Variants in RANBP2 observed in about 807,000 individuals in gnomAD.
RANBP2 encodes the protein RAN binding protein 2, also known as E3 SUMO-protein ligase RanBP2.
A neutral mutation model predicts 303.6 loss-of-function variants in RANBP2; 57 were observed. The observed-to-expected ratio is 0.19, with a 90% CI of 0.15 to 0.23. RANBP2 has a LOEUF of 0.23. RANBP2 is among the 10% of genes least tolerant of loss of function. The pLI, the probability that RANBP2 is intolerant of heterozygous loss-of-function variation, is 1.00. For missense variants in RANBP2, 3,138 were observed against 3,780.8 expected (o/e 0.83, Z 4.46); for synonymous variants, 1,167 against 1,301.5 (o/e 0.90, Z 2.23).
At chr2:109,657,986 C>T in the RANBP2 span, among the ~76,000 whole-genome samples, 1 of 151,788 alleles carries the variant, frequency 6.6e-6, no homozygotes, top group African/African-American at 2.4e-5. Context: ...TCCCAAAGTG[C>T]TGGGATTACA....
the RANBP2 span, among the ~76,000 whole-genome samples, chr2:109,384,643 C>T: frequency 8.5e-5 from 13 of 152,320 alleles, no homozygotes; most frequent in East Asian, 2.5e-3. Flanking sequence ...GACCTTGTGC[C>T]TGTGTCCATA....
chr2:108,981,004 T>C, the RANBP2 span, among the ~76,000 whole-genome samples: 6 of 152,168 alleles, frequency 3.9e-5, no homozygotes, highest in African/African-American at 1.4e-4. Context: ...CAGGCAGAGG[T>C]TGAGCTGACC....
chr2:109,363,995 G>C, the RANBP2 span, among the ~76,000 whole-genome samples: 1 of 152,132 alleles, frequency 6.6e-6, no homozygotes, highest in East Asian at 1.9e-4. Flanking sequence ...CTGTGGTTTG[G>C]TGTCTGACAA....
At chr2:109,631,660 G>A in the RANBP2 span, among the ~76,000 whole-genome samples, 2 of 152,072 alleles carry the variant, frequency 1.3e-5, no homozygotes, top group African/African-American at 2.4e-5. Flanking sequence ...GGAGGCTGAG[G>A]CAGGAGAATC....
intron 17 of RANBP2, among the ~76,000 whole-genome samples, chr2:108,757,611 A>C (rs1406633301): frequency 2.4e-4 from 37 of 152,152 alleles, no homozygotes; most frequent in Admixed American, 1.3e-4. Flanking sequence ...TTGTTTCAGC[A>C]TGGGGTTAAG....
the RANBP2 span, among the ~76,000 whole-genome samples, chr2:109,219,742 A>G: frequency 6.6e-6 from 1 of 152,256 alleles, no homozygotes; most frequent in Admixed American, 6.5e-5. Context: ...CAAAGAGGTG[A>G]AAGATTGGCA....
chr2:109,388,540 G>A, the RANBP2 span, among the ~76,000 whole-genome samples: 20 of 152,324 alleles, frequency 1.3e-4, no homozygotes, highest in Admixed American at 9.1e-4. Context: ...TTACAGCTCT[G>A]TAGAGGGGTG....
the RANBP2 span, among the ~76,000 whole-genome samples, chr2:109,316,065 G>C: frequency 6.6e-6 from 1 of 152,178 alleles, no homozygotes; most frequent in Non-Finnish European, 1.5e-5. Context: ...ATTAGATGTG[G>C]TTAGAAAAGT....
At chr2:109,553,544 C>CA in the RANBP2 span, among the ~76,000 whole-genome samples, 1,212 of 95,410 alleles carry the variant, frequency 0.013, 11 homozygotes, top group South Asian at 0.027. Flanking sequence ...ACTCTGTCTC[C>CA]AAAAAAAAAA....
the RANBP2 span, among the ~76,000 whole-genome samples, chr2:109,187,142 C>G: frequency 2.0e-5 from 3 of 149,830 alleles, no homozygotes; most frequent in Non-Finnish European, 4.5e-5. Flanking sequence ...ACACAGGACT[C>G]TGTCCCCACG....
intron 4 of RANBP2, among the ~76,000 whole-genome samples, chr2:108,732,401 T>C (rs1441435862): frequency 1.3e-5 from 2 of 152,184 alleles, no homozygotes; most frequent in Non-Finnish European, 2.9e-5. Flanking sequence ...TGGAGAATTT[T>C]GGATTTCAGA....
At chr2:109,714,560 A>G in the RANBP2 span, among the ~76,000 whole-genome samples, 3 of 152,044 alleles carry the variant, frequency 2.0e-5, no homozygotes, top group Admixed American at 6.6e-5. Flanking sequence ...TTGGCCGCCT[A>G]AAGTGCTGGA....
At chr2:108,762,562 A>C (rs1275637370) in intron 19 of RANBP2, among the ~76,000 whole-genome samples, 1 of 106,340 alleles carries the variant, frequency 9.4e-6, no homozygotes, top group Non-Finnish European at 1.9e-5. Context: ...TGGTAGTTGA[A>C]TGTGACAGCT....
At chr2:109,259,507 AAGTC>A in the RANBP2 span, among the ~76,000 whole-genome samples, 2 of 152,172 alleles carry the variant, frequency 1.3e-5, no homozygotes, top group South Asian at 4.1e-4. Context: ...CTTCTGTGCA[AAGTC>A]AGGACTCTCC....
At chr2:109,181,981 C>T in the RANBP2 span, among the ~76,000 whole-genome samples, 1 of 152,106 alleles carries the variant, frequency 6.6e-6, no homozygotes, top group Non-Finnish European at 1.5e-5. Context: ...GTGATGTTTG[C>T]TCATTGCTCA....
At chr2:109,554,058 G>C in the RANBP2 span, among the ~76,000 whole-genome samples, 2 of 151,998 alleles carry the variant, frequency 1.3e-5, no homozygotes, top group East Asian at 1.9e-4. Context: ...TCTAAATAAA[G>C]ACTCAAAACC....
the RANBP2 span, chr2:108,839,421 T>C: frequency 1.2e-6 from 1 of 803,250 alleles, no homozygotes; most frequent in Non-Finnish European, 1.9e-6. Context: ...CTTCCCTATC[T>C]ATGTCTTGCT....
Position 108,768,679 on chromosome 2 carries a change from C to T in RANBP2, c.7849+291C>T, listed in dbSNP as rs1374293819. Among the ~76,000 whole-genome samples, 7 of 152,230 alleles carry T rather than the reference C, an allele frequency of 4.6e-5. No individual in the cohort carries two copies. The South Asian group carries it at 1.0e-3, about 23-fold the overall frequency. On this transcript the variant is annotated intron_variant, in intron 20 of 28. Transcript: ENST00000283195. ...CTCATGCTTGAATCATGCACATTAA[C>T]GTGAGTCTTTTTTTAAAGTGTTCAT...
the RANBP2 span, among the ~76,000 whole-genome samples, chr2:109,736,389 C>T: frequency 2.6e-5 from 4 of 152,146 alleles, no homozygotes; most frequent in Admixed American, 6.5e-5. Context: ...CCACTCAGGA[C>T]GCCACATCTG....
Sources: gnomAD v4.1 joint callset for allele counts (sites outside exome capture counted in the v4.1 genomes callset) on GRCh38, gnomAD v4.1.1 for gene constraint, MANE v1.5 for transcripts, NCBI Gene and HGNC (gene_info 2026-07-23, HGNC 2026-07-21) for gene names.